DFFB: variants seen among roughly 807,000 people sequenced by gnomAD.
DFFB encodes the protein DNA fragmentation factor 40 kDa subunit.
A neutral mutation model predicts 32.7 loss-of-function variants in DFFB; 29 were observed. The observed-to-expected ratio is 0.89, with a 90% CI of 0.66 to 1.21. The LOEUF (loss-of-function observed/expected upper bound fraction) is 1.21, where lower values mean the gene tolerates loss of function less well. Among genes scored for constraint, DFFB ranks in the 50% most tolerant of loss-of-function variants. The pLI is 0.00. For missense variants in DFFB, 398 were observed against 440.6 expected (o/e 0.90, Z 0.87); for synonymous variants, 170 against 177.1 (o/e 0.96, Z 0.32).
At chr1:3,866,725 C>G (rs917187121) in intron 3 of DFFB, among the ~76,000 whole-genome samples, 3 of 152,062 alleles carry the variant, frequency 2.0e-5, no homozygotes, top group Admixed American at 2.0e-4. Flanking sequence ...CATCACTCCC[C>G]CTTCCCCCTC....
intron 6 of DFFB, among the ~76,000 whole-genome samples, chr1:3,878,912 G>A (rs902477773): frequency 2.0e-5 from 3 of 152,084 alleles, no homozygotes; most frequent in African/African-American, 7.2e-5. Flanking sequence ...TTTCTTCCAC[G>A]AGTGGCTGTG....
chr1:3,859,227 T>C (rs1252580759), intron 2 of DFFB, among the ~76,000 whole-genome samples: 1 of 151,954 alleles, frequency 6.6e-6, no homozygotes, highest in Non-Finnish European at 1.5e-5. Flanking sequence ...AGCACCCTTC[T>C]GGAAGGACGA....
rs1383648165 is a variant in DFFB at position 3,884,573 on chromosome 1, T to A, written c.*832T>A. On this transcript the variant is annotated 3_prime_UTR_variant, in exon 7 of 7. Transcript: ENST00000378209. ...ATACAAGGACATTCACTGCTGATTTTTTTTTTTGTTTGTTTGAGACAGGGT... is the reference window on the plus strand; with the variant it reads ...ATACAAGGACATTCACTGCTGATTTATTTTTTTGTTTGTTTGAGACAGGGT... 6.6e-6 allele frequency: 1 copy of A among 152,214 alleles called. No individual in the cohort carries two copies. The highest frequency in any genetic ancestry group is 2.4e-5 in the African/African-American group (1 of 41,426). 9.4% of individuals were successfully genotyped at this position (152,214 alleles called of 1,614,324 possible).
At position 3,862,659 on chromosome 1, in the gene DFFB, T is replaced by C. The variant is rs545729464; in HGVS notation, c.242-3153T>C. ...TATATTCACATACAAAAGAATGAAG[T>C]TGGACTCTTAGCTGGTACCTTATAC... On this transcript the variant is annotated intron_variant, in intron 2 of 6. Coordinates refer to ENST00000378209, the MANE Select transcript of DFFB (RefSeq NM_004402.4). 1.2e-3 allele frequency among the ~76,000 whole-genome samples: 186 copies of C among 152,318 alleles called. 1 individual carries two copies. Among genetic ancestry groups the C allele is most frequent in the African/African-American group, 4.2e-3 (176 of 41,572 alleles).
rs192787529 is a variant in DFFB, at chr1:3,865,568, C to T, written c.242-244C>T. The T allele has an allele frequency of 1.4e-4, 86 of 627,888 alleles. No homozygotes were observed. Among genetic ancestry groups the T allele is most frequent in the Non-Finnish European group, 2.4e-4 (84 of 348,490 alleles). The allele number at this position is 627,888 out of a possible 1,614,324, so 38.9% of individuals were successfully genotyped here. A position where few individuals can be genotyped will look rare whatever the true frequency, so the allele number is the denominator to read the frequency against. On this transcript the variant is annotated intron_variant, in intron 2 of 6. Transcript: ENST00000378209. This position sits in a 1 kb window ranked among gnomAD's most constrained non-coding sequence, Gnocchi z 4.7. ...GGGAAAGCGGCCGTCTCTTGGTGCG[C>T]TTTCATCTGTCCTCTAAAGCACACC...
rs547878165 is a variant in DFFB at position 3,872,567 on chromosome 1, T to C, written c.777T>C (p.Asp259=). 27 of 1,612,484 alleles carry C rather than the reference T, an allele frequency of 1.7e-5. No homozygotes were observed. In the East Asian group the frequency reaches 5.8e-4, roughly 35 times the overall value. Residue 259 remains aspartate, a synonymous_variant, in exon 6 of 7, where the codon GAT becomes GAC. Transcript: ENST00000378209. The stretch of plus-strand genomic sequence containing the variant: ...TCCTCTTCAGCACCTGGAACCTGGA[T>C]CACATGTAAGCTCACAGAGCGAGGT... ...SRILFSTWNL[D]HIIEKKRTII...
In DFFB at chr1:3,883,755, C is replaced by A; in HGVS notation, c.*14C>A. On this transcript the variant is annotated 3_prime_UTR_variant, in exon 7 of 7. Transcript: ENST00000378209. ...AAACGCCAGTGACACGTACACACCACGTCCTGGTCTTTGTTTGAGGCCTGA... is the reference window on the plus strand; with the variant it reads ...AAACGCCAGTGACACGTACACACCAAGTCCTGGTCTTTGTTTGAGGCCTGA... The A allele has an allele frequency of 6.2e-6, 10 of 1,605,794 alleles. No individual in the cohort carries two copies. The highest frequency in any genetic ancestry group is 8.5e-6 in the Non-Finnish European group (10 of 1,173,106).
chr1:3,869,890 G>A (rs1645077230), intron 5 of DFFB, 115 bp downstream of exon 5: 4 of 1,137,692 alleles, frequency 3.5e-6, no homozygotes, highest in Non-Finnish European at 1.2e-6. Flanking sequence ...AAAGCCTTGT[G>A]AAGAGGTACA....
At chr1:3,860,082 AT>A (rs1214776048) in intron 2 of DFFB, among the ~76,000 whole-genome samples, 3 of 151,670 alleles carry the variant, frequency 2.0e-5, no homozygotes, top group African/African-American at 4.8e-5. Flanking sequence ...CTTAAAAAAA[AT>A]TTTTTTTCTT....
chr1:3,859,219 C>T (rs1644831637), intron 2 of DFFB, among the ~76,000 whole-genome samples: 1 of 151,984 alleles, frequency 6.6e-6, no homozygotes, highest in Non-Finnish European at 1.5e-5. Flanking sequence ...CTGGGCTGAG[C>T]ACCCTTCTGG....
At chr1:3,876,637 C>T (rs1327215695) in intron 6 of DFFB, among the ~76,000 whole-genome samples, 6 of 152,214 alleles carry the variant, frequency 3.9e-5, no homozygotes, top group African/African-American at 9.6e-5. Context: ...TGCATGCTGT[C>T]CCCCTACCTG....
chr1:3,859,434 AAG>A (rs2124721735), intron 2 of DFFB, among the ~76,000 whole-genome samples: 2 of 152,228 alleles, frequency 1.3e-5, no homozygotes, highest in Non-Finnish European at 2.9e-5. Context: ...ACTCCCGTAA[AAG>A]AGAGCTTTTG....
chr1:3,871,114 T>A (rs1645104302), intron 5 of DFFB, among the ~76,000 whole-genome samples: 1 of 151,840 alleles, frequency 6.6e-6, no homozygotes, highest in Non-Finnish European at 1.5e-5. Context: ...CACGCGCTGG[T>A]CCTGCCCTGG....
intron 5 of DFFB, 33 bp downstream of exon 5, chr1:3,869,808 C>T (rs374015758): frequency 2.2e-5 from 34 of 1,557,098 alleles, no homozygotes; most frequent in South Asian, 3.5e-5. Flanking sequence ...TGGGGCCACC[C>T]GGCTGGCCTG....
chr1:3,878,505 A>G (rs72848497), intron 6 of DFFB, among the ~76,000 whole-genome samples: 6,142 of 152,250 alleles, frequency 0.04, 422 homozygotes, highest in African/African-American at 0.14. Flanking sequence ...ATTGGATTTT[A>G]GCTGCTTTAC....
chr1:3,878,637 G>A (rs995406403), intron 6 of DFFB, among the ~76,000 whole-genome samples: 10 of 152,142 alleles, frequency 6.6e-5, no homozygotes, highest in Admixed American at 1.3e-4. Flanking sequence ...GTGGTTTGGC[G>A]TTCATGGTGT....
chr1:3,879,588 C>G (rs56070860), intron 6 of DFFB, among the ~76,000 whole-genome samples: 45,068 of 152,142 alleles, frequency 0.3, 7,187 homozygotes, highest in Non-Finnish European at 0.37. Flanking sequence ...CAGCCATCTA[C>G]CAGCCAGGAG....
rs537618965 is a variant in DFFB at position 3,867,262 on chromosome 1, C to A, written c.431-712C>A. 7.2e-5 allele frequency among the ~76,000 whole-genome samples: 11 copies of A among 152,320 alleles called. No individual in the cohort carries two copies. In the South Asian group the frequency reaches 2.3e-3, roughly 32 times the overall value. On this transcript the variant is annotated intron_variant, in intron 3 of 6. Coordinates refer to ENST00000378209, the MANE Select transcript of DFFB (RefSeq NM_004402.4). ...TACATACCACGCCATCTATTCACTCCACTGCGTGTACATACCCCACTCTGT... is the reference window on the plus strand; with the variant it reads ...TACATACCACGCCATCTATTCACTCAACTGCGTGTACATACCCCACTCTGT...
At chr1:3,867,023 G>A (rs1274062549) in intron 3 of DFFB, among the ~76,000 whole-genome samples, 1 of 152,144 alleles carries the variant, frequency 6.6e-6, no homozygotes, top group African/African-American at 2.4e-5. Flanking sequence ...AGCCTCCCGA[G>A]TAGCTGGGAT....
Sources: gnomAD v4.1 joint callset for allele counts (sites outside exome capture counted in the v4.1 genomes callset) on GRCh38, gnomAD v4.1.1 for gene constraint, Gnocchi (gnomAD v3.1) non-coding constraint, MANE v1.5 for transcripts, NCBI Gene and HGNC (gene_info 2026-07-23, HGNC 2026-07-21) for gene names.